Variants in PPARD observed in about 807,000 individuals in gnomAD.
PPARD encodes the protein peroxisome proliferator activated receptor delta.
PPARD carries 6 observed loss-of-function variants against 39.5 expected under a neutral mutation model. The ratio of observed to expected loss-of-function variants is 0.15; its 90% CI spans 0.08 to 0.30. PPARD has a LOEUF of 0.30. Ranked by LOEUF, PPARD falls within the 10% of genes least tolerant of loss-of-function variation. The pLI is 1.00. For missense variants in PPARD, 397 were observed against 596.8 expected (o/e 0.67, Z 3.49); for synonymous variants, 210 against 231.3 (o/e 0.91, Z 0.83).
chr6:35,347,045 T>TG (rs1360300567), intron 1 of PPARD, 22 bp from the exon 2 acceptor site: 1 of 1,470,254 alleles, frequency 6.8e-7, no homozygotes, highest in Non-Finnish European at 9.2e-7. Flanking sequence ...CTAAAGCTGT[T>TG]GGGGTTTTTT....
At chr6:35,396,597 G>T (rs538040979) in intron 2 of PPARD, among the ~76,000 whole-genome samples, 1 of 150,198 alleles carries the variant, frequency 6.7e-6, no homozygotes, top group Non-Finnish European at 1.5e-5. Flanking sequence ...TTGGGAGGCC[G>T]AGGCGGGCAG....
chr6:35,396,533 T>TAAAAAA (rs34707184), intron 2 of PPARD, among the ~76,000 whole-genome samples: 4 of 110,004 alleles, frequency 3.6e-5, no homozygotes, highest in African/African-American at 1.4e-4. Context: ...TTGTTTTTAT[T>TAAAAAA]AAAAAAAAAA....
chr6:35,379,083 G>T (rs575248479), intron 2 of PPARD, among the ~76,000 whole-genome samples: 1 of 151,522 alleles, frequency 6.6e-6, no homozygotes, highest in Non-Finnish European at 1.5e-5. Context: ...CTTGGAGTAG[G>T]CGTCTTTTCT....
chr6:35,426,235 C>G lies in PPARD; in HGVS notation c.*156C>G. On this transcript the variant is annotated 3_prime_UTR_variant, in exon 8 of 8. Coordinates refer to ENST00000360694, the MANE Select transcript of PPARD (RefSeq NM_006238.5). ...CACATGACACCCACGGCCTCTGGCT[C>G]CCTGTGCCCTCTCTCCCGCTTCCTC... The G allele has an allele frequency of 4.1e-6, 4 of 979,158 alleles. No individual in the cohort carries two copies. The highest frequency in any genetic ancestry group is 4.4e-6 in the Non-Finnish European group (3 of 680,372). The allele number at this position is 979,158 out of a possible 1,614,324, so 60.7% of individuals were successfully genotyped here.
At chr6:35,373,812 C>T (rs1317302086) in intron 2 of PPARD, among the ~76,000 whole-genome samples, 2 of 152,138 alleles carry the variant, frequency 1.3e-5, no homozygotes, top group East Asian at 3.9e-4. Flanking sequence ...GGACTGCTGG[C>T]ATGTGCCACC....
intron 2 of PPARD, among the ~76,000 whole-genome samples, chr6:35,400,449 C>T (rs1764630723): frequency 6.6e-6 from 1 of 152,200 alleles, no homozygotes; most frequent in Non-Finnish European, 1.5e-5. Flanking sequence ...GTCTCATGCT[C>T]TACCAACTGA....
At chr6:35,408,865 A>G (rs1047713362) in intron 2 of PPARD, among the ~76,000 whole-genome samples, 2 of 152,256 alleles carry the variant, frequency 1.3e-5, no homozygotes, top group East Asian at 1.9e-4. Context: ...TAAATCTTAC[A>G]TAAAGGAACA....
chr6:35,411,200 C>G lies in PPARD; in HGVS notation c.113C>G (p.Pro38Arg). 1 of 1,544,402 alleles carries G rather than the reference C, an allele frequency of 6.5e-7. No individual in the cohort carries two copies. Among genetic ancestry groups the G allele is most frequent in the African/African-American group, 1.4e-5 (1 of 72,130 alleles). The change falls in exon 3 of 8, where the codon CCT becomes CGT. Residue 38 changes from proline to arginine, a missense_variant. Pro to Arg is a moderately radical substitution (Grantham distance 103). Transcript: ENST00000360694. ...AATGGGGGACCACAGCATGCACTTC[C>G]TTCCAGCAGCTACACAGGTGAGGAG... ...ELNGGPQHAL[P>R]SSSYTDLSRS...
intron 2 of PPARD, among the ~76,000 whole-genome samples, chr6:35,392,446 G>A (rs1024737717): frequency 2.0e-5 from 3 of 152,074 alleles, no homozygotes; most frequent in Non-Finnish European, 4.4e-5. Context: ...GGGAAGTACA[G>A]GCTGCACATA....
At chr6:35,377,488 T>C (rs1032925326) in intron 2 of PPARD, among the ~76,000 whole-genome samples, 2 of 152,188 alleles carry the variant, frequency 1.3e-5, no homozygotes, top group African/African-American at 4.8e-5. Context: ...CTTCAGCAAA[T>C]TGAACTATTT....
At chr6:35,353,600 G>A (rs765036832) in intron 2 of PPARD, among the ~76,000 whole-genome samples, 11 of 152,166 alleles carry the variant, frequency 7.2e-5, no homozygotes, top group Non-Finnish European at 1.2e-4. Context: ...CACTAACCAT[G>A]TTTCAAATAC....
chr6:35,411,346 A>G (rs1180197100), intron 3 of PPARD, 129 bp downstream of exon 3: 1 of 1,206,778 alleles, frequency 8.3e-7, no homozygotes, highest in African/African-American at 1.6e-5. Context: ...TGGAGCCGGA[A>G]GCCTGGGTTC....
At chr6:35,397,016 C>T (rs9658112) in intron 2 of PPARD, among the ~76,000 whole-genome samples, 3,150 of 152,254 alleles carry the variant, frequency 0.021, 115 homozygotes, top group African/African-American at 0.071. Context: ...CTTGAACCTT[C>T]CCTGAGGCCT....
chr6:35,375,245 T>A (rs1447781191), intron 2 of PPARD, among the ~76,000 whole-genome samples: 5 of 121,830 alleles, frequency 4.1e-5, no homozygotes, highest in Admixed American at 1.1e-4. Flanking sequence ...GGAGATGGAG[T>A]CTTGCTCTGT....
intron 2 of PPARD, among the ~76,000 whole-genome samples, chr6:35,405,448 G>C (rs1352277907): frequency 6.6e-6 from 1 of 152,042 alleles, no homozygotes; most frequent in Non-Finnish European, 1.5e-5. Context: ...TGTTGTCTGG[G>C]GGTCTGAAGC....
chr6:35,350,459 C>T (rs114011278), intron 2 of PPARD, among the ~76,000 whole-genome samples: 61 of 152,248 alleles, frequency 4.0e-4, no homozygotes, highest in African/African-American at 1.5e-3. Flanking sequence ...TTTCATTCAT[C>T]TCCATATGAA....
chr6:35,385,862 G>A (rs898615273), intron 2 of PPARD, among the ~76,000 whole-genome samples: 4 of 152,160 alleles, frequency 2.6e-5, no homozygotes, highest in South Asian at 4.1e-4. Flanking sequence ...ATTGTGCAGC[G>A]GATGGATTGA....
chr6:35,410,311 A>G (rs890703182), intron 2 of PPARD, among the ~76,000 whole-genome samples: 2 of 152,134 alleles, frequency 1.3e-5, no homozygotes, highest in Non-Finnish European at 2.9e-5. Flanking sequence ...TTTACTTGCT[A>G]AGGGTTGGAA....
At chr6:35,380,472 GTTTGTTTTTTTTTTTTTTTTTT>G (rs1763085012) in intron 2 of PPARD, among the ~76,000 whole-genome samples, 1 of 31,322 alleles carries the variant, frequency 3.2e-5, no homozygotes, top group African/African-American at 7.1e-5. Flanking sequence ...TTTTTTTTTT[GTTTGTTTTTTTTTTTTTTTTTT>G]TTTTTTTTTT....
Sources: allele counts gnomAD v4.1 joint callset (sites outside exome capture counted in the v4.1 genomes callset), GRCh38; gene constraint gnomAD v4.1.1; transcripts MANE v1.5; gene names NCBI Gene and HGNC (gene_info 2026-07-23, HGNC 2026-07-21).